THRAP3: variants seen among roughly 807,000 people sequenced by gnomAD.
The protein encoded by THRAP3 is thyroid hormone receptor associated protein 3.
THRAP3 carries 16 observed loss-of-function variants against 101.0 expected under a neutral mutation model. The observed-to-expected ratio is 0.16, with a 90% CI of 0.11 to 0.24. The LOEUF (loss-of-function observed/expected upper bound fraction) is 0.24. THRAP3 is among the 10% of genes least tolerant of loss of function. The pLI is 1.00. For missense variants in THRAP3, 989 were observed against 1,202.7 expected (o/e 0.82, Z 2.63); for synonymous variants, 407 against 422.6 (o/e 0.96, Z 0.45).
At chr1:36,231,414 G>C (rs1437766340) in intron 1 of THRAP3, among the ~76,000 whole-genome samples, 1 of 152,144 alleles carries the variant, frequency 6.6e-6, no homozygotes, top group Non-Finnish European at 1.5e-5. Context: ...ATAGCATCTG[G>C]AATGTTGTCA....
intron 9 of THRAP3, 21 bp from the exon 10 acceptor site, chr1:36,300,865 C>G: frequency 6.2e-7 from 1 of 1,611,690 alleles, no homozygotes; most frequent in South Asian, 1.1e-5. Flanking sequence ...ATTGATCACC[C>G]TGGCTCTTCT....
chr1:36,259,295 G>T, intron 1 of THRAP3, 87 bp from the exon 2 acceptor site: 1 of 396,866 alleles, frequency 2.5e-6, no homozygotes, highest in South Asian at 1.3e-4. Context: ...GGCTAAAGTA[G>T]GGTTTGTGTT....
At chr1:36,293,818 G>A (rs376111133) in intron 7 of THRAP3, 33 bp from the exon 8 acceptor site, 1 of 1,556,236 alleles carries the variant, frequency 6.4e-7, no homozygotes, top group African/African-American at 1.4e-5. Context: ...TCACACAATG[G>A]AATACTATAT....
chr1:36,241,422 TATATATAC>T (rs1557811455), intron 1 of THRAP3, among the ~76,000 whole-genome samples: 56 of 118,822 alleles, frequency 4.7e-4, no homozygotes, highest in African/African-American at 1.7e-3. Flanking sequence ...TATATATATA[TATATATAC>T]ACATATATAA....
At chr1:36,295,237 G>GAAA (rs1314084478) in intron 8 of THRAP3, among the ~76,000 whole-genome samples, 1 of 117,170 alleles carries the variant, frequency 8.5e-6, no homozygotes, top group Non-Finnish European at 1.8e-5. Context: ...AAAAAAAAAG[G>GAAA]AAAAAAAAAA....
chr1:36,266,892 A>ATTTT (rs1462636124), intron 2 of THRAP3, among the ~76,000 whole-genome samples: 1 of 147,936 alleles, frequency 6.8e-6, no homozygotes, highest in Non-Finnish European at 1.5e-5. Context: ...TTATTTATTT[A>ATTTT]TTTTTGAGAT....
rs397936228 is a variant in THRAP3, at chr1:36,303,112, ATTTTTTTTTTT to A, written c.2647-671_2647-661del. 1.5e-3 allele frequency among the ~76,000 whole-genome samples: 182 copies of A among 125,160 alleles called. 1 individual carries two copies. The highest frequency in any genetic ancestry group is 5.3e-3 in the African/African-American group (176 of 33,086). The allele number at this position is 125,160 out of a possible 152,430, so 82.1% of individuals were successfully genotyped here. A position where few individuals can be genotyped will look rare whatever the true frequency, so the allele number is the denominator to read the frequency against. ...AGGCGCACACCCCCATGCCTGGCTAATTTTTTTTTTTTTTTTTTTTTTTGTATTTTAGTAGA... is the reference window on the plus strand; with the variant it reads ...AGGCGCACACCCCCATGCCTGGCTAATTTTTTTTTTTTGTATTTTAGTAGA... On this transcript the variant is annotated intron_variant, in intron 11 of 11. Coordinates refer to ENST00000354618, the MANE Select transcript of THRAP3 (RefSeq NM_005119.4).
At chr1:36,210,703 G>GTATATATATA in the THRAP3 span, among the ~76,000 whole-genome samples, 1 of 2,734 alleles carries the variant, frequency 3.7e-4, no homozygotes, top group Non-Finnish European at 5.5e-4. Flanking sequence ...AAAAAAAAAA[G>GTATATATATA]TATATATATA....
At chr1:36,237,748 G>A (rs1265437860) in intron 1 of THRAP3, among the ~76,000 whole-genome samples, 1 of 151,996 alleles carries the variant, frequency 6.6e-6, no homozygotes, top group Non-Finnish European at 1.5e-5. Context: ...TTCAGCCTGG[G>A]TGACAAAATG....
chr1:36,243,417 T>C (rs1341824523), intron 1 of THRAP3, among the ~76,000 whole-genome samples: 3 of 151,886 alleles, frequency 2.0e-5, no homozygotes, highest in Non-Finnish European at 4.4e-5. Context: ...GCATGCTGCC[T>C]TCAAGCATCT....
At chr1:36,226,134 T>C (rs1367134457) in intron 1 of THRAP3, among the ~76,000 whole-genome samples, 1 of 152,194 alleles carries the variant, frequency 6.6e-6, no homozygotes, top group Non-Finnish European at 1.5e-5. Flanking sequence ...CTGCAAAATA[T>C]GGATTACAAA....
chr1:36,282,387 TAAA>T (rs199829514), intron 2 of THRAP3, 143 bp from the exon 3 acceptor site: 1 of 580,132 alleles, frequency 1.7e-6, no homozygotes, highest in Non-Finnish European at 2.9e-6. Flanking sequence ...ACTGGCTAAT[TAAA>T]AAAAAATTTT....
Position 36,304,248 on chromosome 1 carries a change from G to T in THRAP3, c.*231G>T. ...GCCCAGCTTTTGAGCAGAATACAAC[G>T]CATTGGGCTTTAGCTGTTTTTCTCA... is the stretch of plus-strand genomic sequence containing the variant. On this transcript the variant is annotated 3_prime_UTR_variant, in exon 12 of 12. Transcript: ENST00000354618. The T allele has an allele frequency of 4.5e-6, 2 of 445,112 alleles. No homozygotes were observed. Among genetic ancestry groups the T allele is most frequent in the Non-Finnish European group, 3.8e-6 (1 of 263,174 alleles). The allele number at this position is 445,112 out of a possible 1,614,324, so 27.6% of individuals were successfully genotyped here. A position where few individuals can be genotyped will look rare whatever the true frequency, so the allele number is the denominator to read the frequency against.
rs746457451 is a variant in THRAP3, at chr1:36,296,651, G to A, written c.2184G>A (p.Lys728=). The change falls in exon 9 of 12, where the codon AAG becomes AAA. Residue 728 remains lysine, a synonymous_variant. Transcript: ENST00000354618. ...RLDIERRKKH[K]ERDLKRGKSR... ...ATATTGAACGTCGTAAAAAACATAA[G>A]GAGAGAGATCTTAAACGAGGTAAAT... 6 of 1,608,826 alleles carry A rather than the reference G, an allele frequency of 3.7e-6. No individual in the cohort carries two copies. In the South Asian group the frequency reaches 6.7e-5, roughly 18 times the overall value.
the THRAP3 span, among the ~76,000 whole-genome samples, chr1:36,211,591 G>C: frequency 6.6e-6 from 1 of 152,068 alleles, no homozygotes; most frequent in Non-Finnish European, 1.5e-5. Flanking sequence ...ATCAAAACAA[G>C]CTTAGTAACC....
In THRAP3 at chr1:36,224,464, T is replaced by G. The variant is rs1474329019; in HGVS notation, c.-176T>G. 1 of 152,970 alleles carries G rather than the reference T, an allele frequency of 6.5e-6. No individual in the cohort carries two copies. The allele number at this position is 152,970 out of a possible 1,614,324, so 9.5% of individuals were successfully genotyped here. On this transcript the variant is annotated 5_prime_UTR_variant, in exon 1 of 12. Transcript: ENST00000354618. ...GCGGGGGCGAGGTTCGGGCTGGTTG[T>G]TCCGTTGCGAGCTGCAGCTGCGATC...
At chr1:36,264,758 T>G (rs1180042649) in intron 2 of THRAP3, among the ~76,000 whole-genome samples, 1 of 152,166 alleles carries the variant, frequency 6.6e-6, no homozygotes, top group East Asian at 1.9e-4. Context: ...TTAATATCTA[T>G]TTGAGAATAG....
intron 2 of THRAP3, among the ~76,000 whole-genome samples, chr1:36,270,087 C>T (rs1645568365): frequency 6.6e-6 from 1 of 152,054 alleles, no homozygotes; most frequent in Non-Finnish European, 1.5e-5. Context: ...TGAATCAATA[C>T]TTCTATAATA....
At chr1:36,272,047 T>G (rs1364019694) in intron 2 of THRAP3, among the ~76,000 whole-genome samples, 1 of 152,042 alleles carries the variant, frequency 6.6e-6, no homozygotes, top group African/African-American at 2.4e-5. Flanking sequence ...ATTTTTTTAT[T>G]TTTTATTTTT....
Sources: gnomAD v4.1 joint callset for allele counts (sites outside exome capture counted in the v4.1 genomes callset) on GRCh38, gnomAD v4.1.1 for gene constraint, MANE v1.5 for transcripts, NCBI Gene and HGNC (gene_info 2026-07-23, HGNC 2026-07-21) for gene names.